PLCG2: variants seen among roughly 807,000 people sequenced by gnomAD.
PLCG2 encodes the protein 1-phosphatidylinositol 4,5-bisphosphate phosphodiesterase gamma-2.
Under a neutral mutation model 175.6 loss-of-function variants are expected in PLCG2, and 69 were observed. The ratio of observed to expected loss-of-function variants is 0.39; its 90% CI spans 0.32 to 0.48. The LOEUF is 0.48. PLCG2 is among the 20% of genes least tolerant of loss of function. The pLI, the probability that PLCG2 is intolerant of heterozygous loss-of-function variation, is 0.91. For missense variants in PLCG2, 1,798 were observed against 1,650.9 expected, an observed-to-expected ratio of 1.09 and a Z score of -1.54; for synonymous variants, 827 against 624.0, an observed-to-expected ratio of 1.33 and a Z score of -4.85.
intron 31 of PLCG2, among the ~76,000 whole-genome samples, chr16:81,956,189 A>G (rs1189518068): frequency 6.6e-6 from 1 of 152,214 alleles, no homozygotes; most frequent in Non-Finnish European, 1.5e-5. Context: ...TTCACTTAGC[A>G]TAATGTTTTC....
rs753753268 is a variant in PLCG2, at chr16:81,895,796, T to G, written c.1073-11T>G. The G allele has an allele frequency of 6.2e-7, 1 of 1,613,902 alleles. No individual in the cohort carries two copies. The highest frequency in any genetic ancestry group is 1.7e-5 in the Admixed American group (1 of 60,012). On this transcript the variant is annotated splice_polypyrimidine_tract_variant and intron_variant, in intron 12 of 32. Transcript: ENST00000564138. ...CACGTGGTATTGAGGCTGCCGCGTTTCTCCCTGTAGTGGACTGCTGGGACG... is the reference window on the plus strand; with the variant it reads ...CACGTGGTATTGAGGCTGCCGCGTTGCTCCCTGTAGTGGACTGCTGGGACG...
intron 1 of PLCG2, among the ~76,000 whole-genome samples, chr16:81,748,199 G>A (rs989936866): frequency 6.6e-6 from 1 of 152,114 alleles, no homozygotes; most frequent in Non-Finnish European, 1.5e-5. Flanking sequence ...GAGATAGCCT[G>A]GCCAACATGG....
intron 2 of PLCG2, among the ~76,000 whole-genome samples, chr16:81,815,055 A>G (rs1904482800): frequency 6.6e-6 from 1 of 152,234 alleles, no homozygotes; most frequent in Admixed American, 6.5e-5. Flanking sequence ...AGGCAAAACC[A>G]GAGTTGCTGA....
chr16:81,740,813 G>C (rs4390584), intron 1 of PLCG2, among the ~76,000 whole-genome samples: 1 of 144,580 alleles, frequency 6.9e-6, no homozygotes, highest in African/African-American at 2.6e-5. Context: ...TGTGGGTGCA[G>C]AGGCCTGGGG....
At chr16:81,907,651 C>A in intron 15 of PLCG2, 34 bp from the exon 16 acceptor site, 2 of 1,518,678 alleles carry the variant, frequency 1.3e-6, no homozygotes, top group East Asian at 2.3e-5. Context: ...AGGTAGAGGA[C>A]TTGGGGGGCA....
chr16:81,926,089 T>TC (rs1555521183), intron 22 of PLCG2, among the ~76,000 whole-genome samples: 2 of 151,508 alleles, frequency 1.3e-5, no homozygotes, highest in Admixed American at 6.6e-5. Context: ...CTTAAATTAG[T>TC]GGGGGGAAGT....
At chr16:81,940,465 G>GA (rs376660652) in intron 30 of PLCG2, among the ~76,000 whole-genome samples, 1 of 152,014 alleles carries the variant, frequency 6.6e-6, no homozygotes, top group African/African-American at 2.4e-5. Context: ...CTTGGGGGGG[G>GA]AGTAACAATC....
intron 7 of PLCG2, among the ~76,000 whole-genome samples, chr16:81,875,436 A>G (rs1355778900): frequency 6.6e-6 from 1 of 152,166 alleles, no homozygotes; most frequent in Non-Finnish European, 1.5e-5. Flanking sequence ...TTTCTGCCCA[A>G]CTTTGACGCA....
chr16:81,895,741 G>C, intron 12 of PLCG2, 66 bp from the exon 13 acceptor site: 3 of 1,585,264 alleles, frequency 1.9e-6, no homozygotes, highest in East Asian at 2.3e-5. Context: ...TGTGTGGGCC[G>C]GGGGCTGACC....
rs35039495 is a variant in PLCG2 at position 81,870,770 on chromosome 16, C to A, written c.565-82C>A. 416,529 of 712,394 alleles carry A rather than the reference C, an allele frequency of 0.58. 123,965 individuals carry two copies. The highest frequency in any genetic ancestry group is 0.61 in the Non-Finnish European group (264,455 of 434,142). 44.1% of individuals were successfully genotyped at this position (712,394 alleles called of 1,614,324 possible). A position where few individuals can be genotyped will look rare whatever the true frequency, so the allele number is the denominator to read the frequency against. On this transcript the variant is annotated intron_variant, in intron 6 of 32. Transcript: ENST00000564138. The stretch of plus-strand genomic sequence containing the variant: ...ATAAAATAGCATGCCATTTCTGAAA[C>A]AAAAATTATTCTATAAATAGCATGG...
chr16:81,892,723 G>A (rs140545777), intron 11 of PLCG2, among the ~76,000 whole-genome samples: 125 of 152,242 alleles, frequency 8.2e-4, no homozygotes, highest in African/African-American at 2.9e-3. Flanking sequence ...CTTGTGTCAT[G>A]GAGGTTTGCT....
chr16:81,804,110 A>G (rs1911884606), intron 2 of PLCG2, among the ~76,000 whole-genome samples: 1 of 152,168 alleles, frequency 6.6e-6, no homozygotes, highest in Non-Finnish European at 1.5e-5. Flanking sequence ...CTGTTTAATC[A>G]CTTAAGGAAT....
chr16:81,868,280 C>A (rs2143523884), intron 5 of PLCG2, among the ~76,000 whole-genome samples: 1 of 151,980 alleles, frequency 6.6e-6, no homozygotes, highest in Admixed American at 6.6e-5. Flanking sequence ...AGTAGGTGCT[C>A]ATGTAGGCCT....
At chr16:81,944,285 A>C (rs1911065955) in intron 30 of PLCG2, among the ~76,000 whole-genome samples, 1 of 152,196 alleles carries the variant, frequency 6.6e-6, no homozygotes, top group Non-Finnish European at 1.5e-5. Context: ...CAACCAACCA[A>C]GCTTGGGTTG....
At chr16:81,881,036 C>G (rs1296449056) in intron 8 of PLCG2, 83 bp downstream of exon 8, 3 of 1,382,114 alleles carry the variant, frequency 2.2e-6, no homozygotes, top group Non-Finnish European at 3.1e-6. Context: ...GGAGGGGATG[C>G]CTGTGTGTGC....
chr16:81,900,176 G>A (rs1909086031), intron 13 of PLCG2, among the ~76,000 whole-genome samples: 1 of 152,172 alleles, frequency 6.6e-6, no homozygotes. Context: ...TATAAATAGA[G>A]GAAGTAATAA....
chr16:81,802,089 C>A (rs1219224530), intron 2 of PLCG2, among the ~76,000 whole-genome samples: 1 of 80,632 alleles, frequency 1.2e-5, no homozygotes, highest in African/African-American at 4.2e-5. Flanking sequence ...CAGGTGAGTA[C>A]AGTCTTTTTT....
intron 1 of PLCG2, among the ~76,000 whole-genome samples, chr16:81,779,711 G>A (rs1394897780): frequency 1.3e-5 from 2 of 152,192 alleles, no homozygotes; most frequent in Non-Finnish European, 2.9e-5. Context: ...CCGGGAGGAA[G>A]GTCAGGGGTC....
At chr16:81,806,872 G>C (rs1376821387) in intron 2 of PLCG2, among the ~76,000 whole-genome samples, 5 of 151,912 alleles carry the variant, frequency 3.3e-5, no homozygotes, top group African/African-American at 1.2e-4. Context: ...AGCCAAGCAG[G>C]GTGATGGGGG....
Sources: allele counts gnomAD v4.1 joint callset (sites outside exome capture counted in the v4.1 genomes callset), GRCh38; gene constraint gnomAD v4.1.1; transcripts MANE v1.5; gene names NCBI Gene and HGNC (gene_info 2026-07-23, HGNC 2026-07-21).